The following ANAPC1 variants were observed in gnomAD, a reference collection of about 807,000 sequenced individuals.
The protein encoded by ANAPC1 is anaphase-promoting complex subunit 1.
ANAPC1 carries 36 observed loss-of-function variants against 208.0 expected under a neutral mutation model. The observed-to-expected ratio is 0.17, with a 90% CI of 0.13 to 0.23. The LOEUF (loss-of-function observed/expected upper bound fraction) is 0.23. ANAPC1 is among the 10% of genes least tolerant of loss of function. ANAPC1 has a pLI of 1.00. For synonymous variants in ANAPC1, 378 were observed against 695.2 expected (o/e 0.54, Z 7.18); for missense variants, 942 against 2,011.6 (o/e 0.47, Z 10.17).
chr2:111,849,378 G>C lies in ANAPC1; in HGVS notation c.1650+1398C>G, dbSNP rs1326240729. ...CACAGAACACTCTGACACTTCTCCAGTTCCCCCTTTGAATGTTCTGCAAAT... is the reference window on the plus strand; with the variant it reads ...CACAGAACACTCTGACACTTCTCCACTTCCCCCTTTGAATGTTCTGCAAAT... On this transcript the variant is annotated intron_variant, in intron 14 of 47. Coordinates refer to ENST00000341068, the MANE Select transcript of ANAPC1 (RefSeq NM_022662.4). 2.0e-5 allele frequency among the ~76,000 whole-genome samples: 3 copies of C among 152,074 alleles called. No homozygotes were observed. In the East Asian group the frequency reaches 5.8e-4, roughly 29 times the overall value.
At position 111,866,864 on chromosome 2, in the gene ANAPC1, T is replaced by C. The variant is rs1213482168; in HGVS notation, c.685+1159A>G. Reference sequence around the variant, plus strand: ...CAGGCTCTAGTATGTTTATTCGGGTTGTCTGCAATTAGTAACAACATAAAA... The same window carrying C: ...CAGGCTCTAGTATGTTTATTCGGGTCGTCTGCAATTAGTAACAACATAAAA... On this transcript the variant is annotated intron_variant, in intron 7 of 47. Transcript: ENST00000341068. Among the ~76,000 whole-genome samples, 2 of 151,368 alleles carry C rather than the reference T, an allele frequency of 1.3e-5. 1 individual carries two copies. Among genetic ancestry groups the C allele is most frequent in the African/African-American group, 4.9e-5 (2 of 41,068 alleles).
At position 111,768,050 on chromosome 2, in the gene ANAPC1, C is replaced by A. The variant is rs1017396707; in HGVS notation, c.*1241G>T. ...TTTAATTTATTTTTAAAGTCAAACA[C>A]CACAGTTCAGGATGTGGAAGAAATA... On this transcript the variant is annotated 3_prime_UTR_variant, in exon 48 of 48. Coordinates refer to ENST00000341068, the MANE Select transcript of ANAPC1 (RefSeq NM_022662.4). 2.0e-5 allele frequency: 3 copies of A among 152,256 alleles called. No homozygotes were observed. In the East Asian group the frequency reaches 5.8e-4, roughly 29 times the overall value. 9.4% of individuals were successfully genotyped at this position (152,256 alleles called of 1,614,324 possible).
chr2:111,785,299 T>A, intron 40 of ANAPC1, 61 bp downstream of exon 40: 1 of 587,152 alleles, frequency 1.7e-6, no homozygotes, highest in East Asian at 2.9e-5. Context: ...TTTGAAATAT[T>A]ATGACCTGCA....
chr2:111,768,438 A>C lies in ANAPC1; in HGVS notation c.*853T>G, dbSNP rs1280448045. 1.3e-5 allele frequency: 2 copies of C among 151,682 alleles called. No homozygotes were observed. Among genetic ancestry groups the C allele is most frequent in the Non-Finnish European group, 2.9e-5 (2 of 68,186 alleles). 9.4% of individuals were successfully genotyped at this position (151,682 alleles called of 1,614,324 possible). ...ACAGACTGGGTGGTTTCAACGACGG[A>C]AATGTATTTTCTTGCAATTCTGGAG... On this transcript the variant is annotated 3_prime_UTR_variant, in exon 48 of 48. Transcript: ENST00000341068.
chr2:111,776,130 T>C (rs1324504297), intron 46 of ANAPC1, among the ~76,000 whole-genome samples: 5 of 150,332 alleles, frequency 3.3e-5, no homozygotes, highest in African/African-American at 1.2e-4. Flanking sequence ...TTTCTACTAC[T>C]ATTACTAAGG....
intron 24 of ANAPC1, among the ~76,000 whole-genome samples, chr2:111,824,112 T>G (rs879453008): frequency 6.0e-5 from 9 of 150,982 alleles, no homozygotes; most frequent in Non-Finnish European, 1.0e-4. Context: ...AAATGTTTCC[T>G]TATATGAGAA....
At chr2:111,823,306 C>T (rs1362600642) in intron 24 of ANAPC1, among the ~76,000 whole-genome samples, 9 of 151,912 alleles carry the variant, frequency 5.9e-5, no homozygotes, top group African/African-American at 1.7e-4. Context: ...CATGAGCCAC[C>T]GCGCCTGGCC....
intron 7 of ANAPC1, chr2:111,866,040 C>T (rs1446070681): frequency 1.2e-5 from 2 of 173,210 alleles, no homozygotes; most frequent in African/African-American, 4.8e-5. Context: ...CCCGTCTCTA[C>T]TAAAATAAAA....
intron 38 of ANAPC1, among the ~76,000 whole-genome samples, chr2:111,789,468 T>C (rs1677757126): frequency 6.9e-6 from 1 of 145,308 alleles, no homozygotes; most frequent in African/African-American, 2.6e-5. Context: ...TATACCCAAA[T>C]CTCTTTCCCT....
chr2:111,781,097 A>G (rs1450472915), intron 43 of ANAPC1, among the ~76,000 whole-genome samples: 1 of 149,166 alleles, frequency 6.7e-6, no homozygotes, highest in African/African-American at 2.5e-5. Context: ...ACAACTTTTT[A>G]AACTTGGGAA....
chr2:111,827,768 TA>T (rs1213116037), intron 21 of ANAPC1, among the ~76,000 whole-genome samples: 1 of 151,314 alleles, frequency 6.6e-6, no homozygotes, highest in Non-Finnish European at 1.5e-5. Context: ...ATAAAAAAAA[TA>T]AAAAATAAAA....
In ANAPC1 at chr2:111,817,723, A is replaced by T. The variant is rs528897800; in HGVS notation, c.3325+1117T>A. Among the ~76,000 whole-genome samples the T allele has an allele frequency of 1.4e-4, 20 of 141,708 alleles. 1 individual carries two copies. The South Asian group carries it at 4.8e-3, about 34-fold the overall frequency. 93.0% of individuals were successfully genotyped at this position (141,708 alleles called of 152,430 possible). Reference sequence around the variant, plus strand: ...ATAATTATGTTTGCATATATTATGTACTATTTATCATATATTAAATTATAC... The same window carrying T: ...ATAATTATGTTTGCATATATTATGTTCTATTTATCATATATTAAATTATAC... On this transcript the variant is annotated intron_variant, in intron 27 of 47. Coordinates refer to ENST00000341068, the MANE Select transcript of ANAPC1 (RefSeq NM_022662.4).
chr2:111,790,889 T>C (rs552445741), intron 38 of ANAPC1, among the ~76,000 whole-genome samples: 2 of 152,022 alleles, frequency 1.3e-5, no homozygotes, highest in African/African-American at 2.4e-5. Flanking sequence ...AAACAGAAAG[T>C]AGAATGGTGG....
At chr2:111,793,202 A>G (rs1173349878) in intron 37 of ANAPC1, among the ~76,000 whole-genome samples, 2 of 152,028 alleles carry the variant, frequency 1.3e-5, no homozygotes. Context: ...ATTACAAGCA[A>G]GCTTCACTCA....
At chr2:111,831,846 A>AAAAAAAAAAG (rs4019125) in intron 20 of ANAPC1, among the ~76,000 whole-genome samples, 1 of 88,262 alleles carries the variant, frequency 1.1e-5, no homozygotes, top group Non-Finnish European at 2.2e-5. Context: ...AAAAAAAAAA[A>AAAAAAAAAAG]GAATAACGTT....
At chr2:111,805,620 C>CT (rs1678638476) in intron 30 of ANAPC1, among the ~76,000 whole-genome samples, 182 bp downstream of exon 30, 1 of 33,960 alleles carries the variant, frequency 2.9e-5, no homozygotes, top group African/African-American at 1.3e-4. Flanking sequence ...AAGTCCCACT[C>CT]TTGACCACAG....
intron 19 of ANAPC1, among the ~76,000 whole-genome samples, chr2:111,833,790 G>C (rs954083347): frequency 3.3e-5 from 5 of 151,514 alleles, no homozygotes; most frequent in African/African-American, 1.2e-4. Context: ...TTTCATGACA[G>C]TAATGACATC....
intron 3 of ANAPC1, among the ~76,000 whole-genome samples, chr2:111,875,731 CT>C (rs1682991099): frequency 6.6e-6 from 1 of 152,204 alleles, no homozygotes; most frequent in Non-Finnish European, 1.5e-5. Flanking sequence ...ATACAAGGCC[CT>C]TTGGTCTGTA....
rs767767639 is a variant in ANAPC1, at chr2:111,769,679, C to CTTTTTTTT, written c.5720-281_5720-274dup. Among the ~76,000 whole-genome samples the CTTTTTTTT allele has an allele frequency of 2.3e-4, 19 of 83,248 alleles. 7 individuals carry two copies. Among genetic ancestry groups the CTTTTTTTT allele is most frequent in the African/African-American group, 2.8e-4 (6 of 21,520 alleles). The allele number at this position is 83,248 out of a possible 152,430, so 54.6% of individuals were successfully genotyped here. A position where few individuals can be genotyped will look rare whatever the true frequency, so the allele number is the denominator to read the frequency against. ...TATCTGCATTACACCTACTGGCTTT[C>CTTTTTTTT]TTTTTTTTTTTTTTTTTTTGGAGAC... On this transcript the variant is annotated intron_variant, in intron 47 of 47. Transcript: ENST00000341068.
Sources: gnomAD v4.1 joint callset for allele counts (sites outside exome capture counted in the v4.1 genomes callset) on GRCh38, gnomAD v4.1.1 for gene constraint, MANE v1.5 for transcripts, NCBI Gene and HGNC (gene_info 2026-07-23, HGNC 2026-07-21) for gene names.